The following IGSF11 variants were observed in gnomAD, a reference collection of about 807,000 sequenced individuals.
The protein encoded by IGSF11 is immunoglobulin superfamily member 11.
In IGSF11, 22 loss-of-function variants were observed where a neutral mutation model predicts 41.0. The ratio of observed to expected loss-of-function variants is 0.54; its 90% CI spans 0.38 to 0.77. The LOEUF (loss-of-function observed/expected upper bound fraction) is 0.77, where lower values mean the gene tolerates loss of function less well. Among genes scored for constraint, IGSF11 ranks in the 30% least tolerant of loss-of-function variants. The probability of loss-of-function intolerance (pLI) is 0.00; values close to 1 mark genes in which losing one functional copy is unlikely to be tolerated. For missense variants in IGSF11, 444 were observed against 530.8 expected (o/e 0.84, Z 1.61); for synonymous variants, 219 against 201.3 (o/e 1.09, Z -0.74).
chr3:118,988,925 T>G (rs1165487310), intron 1 of IGSF11, among the ~76,000 whole-genome samples: 4 of 152,196 alleles, frequency 2.6e-5, no homozygotes, highest in Admixed American at 2.0e-4. Flanking sequence ...GAAAGCTCTT[T>G]CTCCAGTAGA....
chr3:119,133,089 C>A (rs1255347194), intron 1 of IGSF11, among the ~76,000 whole-genome samples: 3 of 152,138 alleles, frequency 2.0e-5, no homozygotes, highest in Non-Finnish European at 4.4e-5. Flanking sequence ...AAATTTATAG[C>A]ACTAAATGCC....
At chr3:118,932,712 T>C (rs1035047694) in intron 1 of IGSF11, among the ~76,000 whole-genome samples, 1 of 152,208 alleles carries the variant, frequency 6.6e-6, no homozygotes, top group African/African-American at 2.4e-5. Flanking sequence ...AGTGATATGA[T>C]AAATTTAAAA....
At chr3:119,121,735 T>C (rs969399653) in intron 1 of IGSF11, among the ~76,000 whole-genome samples, 3 of 151,908 alleles carry the variant, frequency 2.0e-5, no homozygotes, top group African/African-American at 4.8e-5. Flanking sequence ...TAGAATAAAC[T>C]CAGAGATTTC....
intron 1 of IGSF11, among the ~76,000 whole-genome samples, chr3:119,083,405 A>T (rs934037492): frequency 1.3e-5 from 2 of 151,834 alleles, no homozygotes; most frequent in Non-Finnish European, 2.9e-5. Flanking sequence ...ACCTGGTAAG[A>T]CTATTTCTAT....
At chr3:119,081,771 T>C (rs1041069801) in intron 1 of IGSF11, among the ~76,000 whole-genome samples, 7 of 152,182 alleles carry the variant, frequency 4.6e-5, no homozygotes, top group Non-Finnish European at 7.4e-5. Flanking sequence ...GGTAGGAAGA[T>C]TTAAATCTTA....
upstream of IGSF11, among the ~76,000 whole-genome samples, chr3:119,107,827 C>A (rs1469831257): frequency 2.0e-5 from 3 of 150,018 alleles, no homozygotes; most frequent in Admixed American, 6.6e-5. Context: ...TTTCCCAGCA[C>A]CATTTATTAA....
At chr3:119,034,300 G>A (rs1940708006) in intron 1 of IGSF11, among the ~76,000 whole-genome samples, 1 of 152,146 alleles carries the variant, frequency 6.6e-6, no homozygotes, top group South Asian at 2.1e-4. Flanking sequence ...GAGGTAGCCG[G>A]ACGAGTTTAG....
intron 1 of IGSF11, among the ~76,000 whole-genome samples, 177 bp downstream of exon 1, chr3:119,034,354 A>T (rs988826669): frequency 3.9e-5 from 6 of 152,198 alleles, no homozygotes; most frequent in African/African-American, 1.4e-4. Flanking sequence ...GGGCGGCAGA[A>T]GCAGCCGCTG....
intron 1 of IGSF11, among the ~76,000 whole-genome samples, chr3:119,084,837 G>A (rs1381029217): frequency 1.3e-5 from 2 of 152,218 alleles, no homozygotes; most frequent in African/African-American, 4.8e-5. Flanking sequence ...AGCAGGTCCT[G>A]GTGTTCCAGG....
At chr3:118,985,161 A>C (rs187836846) in intron 1 of IGSF11, among the ~76,000 whole-genome samples, 15 of 152,356 alleles carry the variant, frequency 9.8e-5, no homozygotes, top group Admixed American at 9.8e-4. Flanking sequence ...AGTTATGTAA[A>C]GTATCACATT....
exon 1 of IGSF11, chr3:119,145,927 G>A (rs1023125181): frequency 2.4e-6 from 1 of 425,458 alleles, no homozygotes; most frequent in Admixed American, 4.1e-5. Context: ...GGCAGGGTGA[G>A]GAGAAGCTGT....
At chr3:119,137,990 A>C (rs1168177367) in intron 1 of IGSF11, among the ~76,000 whole-genome samples, 17 of 152,188 alleles carry the variant, frequency 1.1e-4, no homozygotes, top group Non-Finnish European at 4.4e-5. Context: ...GAGAAATGCA[A>C]ATCAAAACTA....
At chr3:119,104,815 C>T (rs915499070) in intron 1 of IGSF11, among the ~76,000 whole-genome samples, 1 of 152,094 alleles carries the variant, frequency 6.6e-6, no homozygotes, top group Non-Finnish European at 1.5e-5. Flanking sequence ...GCTGTTTATA[C>T]TTCTCCCATC....
At chr3:119,063,469 G>C (rs1942119057) in intron 1 of IGSF11, among the ~76,000 whole-genome samples, 1 of 151,792 alleles carries the variant, frequency 6.6e-6, no homozygotes, top group African/African-American at 2.4e-5. Flanking sequence ...GGGTTTTTTT[G>C]TTATGTTTTG....
intron 4 of IGSF11, among the ~76,000 whole-genome samples, chr3:118,923,297 T>G (rs79840544): frequency 0.011 from 1,650 of 152,284 alleles, 32 homozygotes; most frequent in East Asian, 0.065. Flanking sequence ...TTCACAGTCC[T>G]TACTTGGTGA....
At chr3:118,903,365 A>G (rs1337028648) in intron 6 of IGSF11, among the ~76,000 whole-genome samples, 2 of 151,924 alleles carry the variant, frequency 1.3e-5, no homozygotes, top group African/African-American at 4.8e-5. Context: ...TATATATAGT[A>G]TTCATATATA....
chr3:118,936,127 C>A (rs1218322470), intron 1 of IGSF11, among the ~76,000 whole-genome samples: 6 of 151,850 alleles, frequency 4.0e-5, no homozygotes, highest in Non-Finnish European at 4.4e-5. Context: ...ATTAAAAAAA[C>A]CAAAAACTCT....
intron 1 of IGSF11, among the ~76,000 whole-genome samples, chr3:119,056,778 T>C (rs2107445439): frequency 6.6e-6 from 1 of 152,264 alleles, no homozygotes; most frequent in East Asian, 1.9e-4. Context: ...TCCACCATGA[T>C]CAAGTGGGCT....
At chr3:118,920,413 A>G (rs1020255256) in intron 4 of IGSF11, among the ~76,000 whole-genome samples, 2 of 152,008 alleles carry the variant, frequency 1.3e-5, no homozygotes, top group Admixed American at 1.3e-4. Flanking sequence ...CCCATAATCA[A>G]TGATTTCAGA....
Sources: gnomAD v4.1 joint callset for allele counts (sites outside exome capture counted in the v4.1 genomes callset) on GRCh38, gnomAD v4.1.1 for gene constraint, MANE v1.5 for transcripts, NCBI Gene and HGNC (gene_info 2026-07-23, HGNC 2026-07-21) for gene names.